STIM2: variants seen among roughly 807,000 people sequenced by gnomAD.
STIM2 encodes the protein stromal interaction molecule 2.
Under a neutral mutation model 85.8 loss-of-function variants are expected in STIM2, and 31 were observed. The observed-to-expected ratio is 0.36, with a 90% CI of 0.27 to 0.49. The LOEUF is 0.49. Among genes scored for constraint, STIM2 ranks in the 20% least tolerant of loss-of-function variants. STIM2 has a pLI of 0.98. For missense variants in STIM2, 841 were observed against 927.6 expected (o/e 0.91, Z 1.21); for synonymous variants, 356 against 331.1 (o/e 1.08, Z -0.82).
In STIM2 at chr4:27,023,104, T is replaced by A; in HGVS notation, c.*108T>A. On this transcript the variant is annotated 3_prime_UTR_variant, in exon 12 of 12. Coordinates refer to ENST00000467087, the MANE Select transcript of STIM2 (RefSeq NM_020860.4). ...TTTAATTTTAGGAATGTAACTCCAT[T>A]GGGGCTTTCCAGGCCGGATGCCATA... is the stretch of plus-strand genomic sequence containing the variant. 9.1e-7 allele frequency: 1 copy of A among 1,103,420 alleles called. No homozygotes were observed. Among genetic ancestry groups the A allele is most frequent in the Non-Finnish European group, 1.3e-6 (1 of 768,670 alleles). 68.4% of individuals were successfully genotyped at this position (1,103,420 alleles called of 1,614,324 possible). A position where few individuals can be genotyped will look rare whatever the true frequency, so the allele number is the denominator to read the frequency against.
At chr4:26,907,893 G>A (rs980294145) in intron 1 of STIM2, among the ~76,000 whole-genome samples, 2 of 152,120 alleles carry the variant, frequency 1.3e-5, no homozygotes, top group African/African-American at 2.4e-5. Flanking sequence ...CTGGCACAGC[G>A]CACATATGTC....
intron 8 of STIM2, chr4:27,007,950 A>G (rs1375081508): frequency 4.1e-6 from 3 of 724,612 alleles, no homozygotes; most frequent in South Asian, 3.0e-5. Context: ...TATCATTATC[A>G]TAAAAGTTTT....
At chr4:26,989,023 C>T (rs944661051) in intron 3 of STIM2, among the ~76,000 whole-genome samples, 1 of 152,196 alleles carries the variant, frequency 6.6e-6, no homozygotes, top group African/African-American at 2.4e-5. Context: ...CAGCCTCTGT[C>T]TCCTGGGTTC....
In STIM2 at chr4:27,013,151, C is replaced by G. The variant is rs555189384; in HGVS notation, c.1489+4149C>G. Reference sequence around the variant, plus strand: ...ATCATAAAATAAATGAAAGAGTAGTCCCCCTCTGCCCATATATGTGGTTTT... The same window carrying G: ...ATCATAAAATAAATGAAAGAGTAGTGCCCCTCTGCCCATATATGTGGTTTT... On this transcript the variant is annotated intron_variant, in intron 10 of 11. Coordinates refer to ENST00000467087, the MANE Select transcript of STIM2 (RefSeq NM_020860.4). Among the ~76,000 whole-genome samples the G allele has an allele frequency of 5.3e-5, 8 of 151,616 alleles. No individual in the cohort carries two copies. The East Asian group carries it at 1.2e-3, about 22-fold the overall frequency.
intron 2 of STIM2, among the ~76,000 whole-genome samples, chr4:26,931,119 G>A (rs145661470): frequency 2.2e-3 from 334 of 152,250 alleles, no homozygotes; most frequent in South Asian, 0.019. Context: ...TCTCTCTGTA[G>A]GCAGTTTATA....
At chr4:26,980,686 A>G (rs901955062) in intron 3 of STIM2, among the ~76,000 whole-genome samples, 2 of 152,206 alleles carry the variant, frequency 1.3e-5, no homozygotes, top group African/African-American at 2.4e-5. Context: ...AGGAATTTAA[A>G]CTAATGTAAT....
chr4:26,898,885 T>C (rs1422794548), intron 1 of STIM2, among the ~76,000 whole-genome samples: 1 of 152,172 alleles, frequency 6.6e-6, no homozygotes, highest in South Asian at 2.1e-4. Context: ...TTTAAAAAAA[T>C]TTAGCAATCT....
intron 1 of STIM2, among the ~76,000 whole-genome samples, chr4:26,910,630 G>A (rs903225693): frequency 6.6e-6 from 1 of 152,094 alleles, no homozygotes; most frequent in Non-Finnish European, 1.5e-5. Flanking sequence ...ACACCTACTC[G>A]CTTATTTAGA....
intron 2 of STIM2, among the ~76,000 whole-genome samples, chr4:26,942,740 T>C (rs1725660527): frequency 6.6e-6 from 1 of 152,132 alleles, no homozygotes; most frequent in Non-Finnish European, 1.5e-5. Flanking sequence ...TATTGGTTGC[T>C]GCTTTTCAGT....
chr4:26,956,068 T>C (rs1020202404), intron 2 of STIM2, among the ~76,000 whole-genome samples: 1 of 152,198 alleles, frequency 6.6e-6, no homozygotes, highest in Non-Finnish European at 1.5e-5. Context: ...CAGAAAAATA[T>C]GCCTCTGGCA....
At chr4:26,940,717 A>G (rs894102752) in intron 2 of STIM2, among the ~76,000 whole-genome samples, 1 of 152,118 alleles carries the variant, frequency 6.6e-6, no homozygotes, top group Non-Finnish European at 1.5e-5. Context: ...CATTTTGACA[A>G]TTATTACTTA....
intron 1 of STIM2, among the ~76,000 whole-genome samples, chr4:26,872,105 G>A (rs192683996): frequency 1.3e-5 from 2 of 152,282 alleles, no homozygotes; most frequent in East Asian, 3.9e-4. Context: ...TAGATACAGA[G>A]GTAGGATAGT....
At position 26,955,121 on chromosome 4, in the gene STIM2, A is replaced by G. The variant is rs1269031917; in HGVS notation, c.283-2491A>G. Among the ~76,000 whole-genome samples, 5 of 146,542 alleles carry G rather than the reference A, an allele frequency of 3.4e-5. 1 individual carries two copies. The highest frequency in any genetic ancestry group is 7.5e-5 in the Non-Finnish European group (5 of 66,866). On this transcript the variant is annotated intron_variant, in intron 2 of 11. Coordinates refer to ENST00000467087, the MANE Select transcript of STIM2 (RefSeq NM_020860.4). ...CTTAGGAGTTCTTTTATACCATATGAGCTATAGGTATCTTCAAAAGTTTTA... is the reference window on the plus strand; with the variant it reads ...CTTAGGAGTTCTTTTATACCATATGGGCTATAGGTATCTTCAAAAGTTTTA...
chr4:26,894,300 CAG>C (rs1172158526), intron 1 of STIM2, among the ~76,000 whole-genome samples: 1 of 152,116 alleles, frequency 6.6e-6, no homozygotes, highest in Admixed American at 6.5e-5. Flanking sequence ...TATTAATAAA[CAG>C]AAGTTCTTAA....
intron 8 of STIM2, chr4:27,007,956 G>A: frequency 1.4e-6 from 1 of 723,174 alleles, no homozygotes; most frequent in Middle Eastern, 2.3e-4. Context: ...TATCATAAAA[G>A]TTTTATACAG....
chr4:26,900,061 A>T (rs1723860639), intron 1 of STIM2, among the ~76,000 whole-genome samples: 2 of 152,190 alleles, frequency 1.3e-5, no homozygotes, highest in African/African-American at 4.8e-5. Context: ...AAAGTTTTGA[A>T]ATTAGGGAAT....
Position 27,002,989 on chromosome 4 carries a change from A to G in STIM2, c.866A>G (p.Lys289Arg), listed in dbSNP as rs867051196. The G allele has an allele frequency of 1.9e-6, 3 of 1,601,600 alleles. No individual in the cohort carries two copies. Among genetic ancestry groups the G allele is most frequent in the Middle Eastern group, 3.3e-4 (2 of 6,036 alleles). The change falls in exon 7 of 12, where the codon AAA (lysine) becomes AGA (arginine). Residue 289 changes from lysine (K) to arginine (R), a missense_variant. Coordinates refer to ENST00000467087, the MANE Select transcript of STIM2 (RefSeq NM_020860.4). ...GTAGAAAAGCAAAATTTAGAGCGCAAAATGATGGATGAAATCAATTATGCA... is the reference window on the plus strand; with the variant it reads ...GTAGAAAAGCAAAATTTAGAGCGCAGAATGATGGATGAAATCAATTATGCA...
chr4:26,978,893 G>A (rs971898920), intron 3 of STIM2, among the ~76,000 whole-genome samples: 2 of 152,112 alleles, frequency 1.3e-5, no homozygotes, highest in Non-Finnish European at 1.5e-5. Context: ...GGCAGCATGG[G>A]TCATGTGATA....
chr4:26,895,362 C>T (rs1448239859), intron 1 of STIM2, among the ~76,000 whole-genome samples: 1 of 152,072 alleles, frequency 6.6e-6, no homozygotes, highest in Non-Finnish European at 1.5e-5. Context: ...CTTAGGTACT[C>T]TTTGATTCAA....
Sources: allele counts gnomAD v4.1 joint callset (sites outside exome capture counted in the v4.1 genomes callset), GRCh38; gene constraint gnomAD v4.1.1; transcripts MANE v1.5; gene names NCBI Gene and HGNC (gene_info 2026-07-23, HGNC 2026-07-21).